Variants in EXT1 observed in about 807,000 individuals in gnomAD.
The protein encoded by EXT1 is exostosin-1.
In EXT1, 20 loss-of-function variants were observed where a neutral mutation model predicts 82.5. That is an observed-to-expected ratio of 0.24 (90% CI 0.17 to 0.35). The LOEUF (loss-of-function observed/expected upper bound fraction) is 0.35. Ranked by LOEUF, EXT1 falls within the 10% of genes least tolerant of loss-of-function variation. The pLI is 1.00. For synonymous variants in EXT1, 348 were observed against 350.8 expected (o/e 0.99, Z 0.09); for missense variants, 757 against 936.5 (o/e 0.81, Z 2.50).
chr8:117,904,001 T>C (rs554598437), intron 1 of EXT1, among the ~76,000 whole-genome samples: 1 of 152,360 alleles, frequency 6.6e-6, no homozygotes, highest in South Asian at 2.1e-4. Context: ...GTAACTGACC[T>C]GAAGTTCTTA....
intron 1 of EXT1, among the ~76,000 whole-genome samples, chr8:117,943,288 C>G (rs1814323194): frequency 6.6e-6 from 1 of 152,080 alleles, no homozygotes; most frequent in African/African-American, 2.4e-5. Flanking sequence ...ATTGGGAGGT[C>G]TTTTGTGGAA....
intron 1 of EXT1, among the ~76,000 whole-genome samples, chr8:118,083,509 T>G (rs889471082): frequency 6.6e-6 from 1 of 152,020 alleles, no homozygotes; most frequent in African/African-American, 2.4e-5. Flanking sequence ...ATTCAAGAAC[T>G]AAACCCAGTA....
At chr8:118,097,465 G>A (rs1242855942) in intron 1 of EXT1, among the ~76,000 whole-genome samples, 1 of 151,986 alleles carries the variant, frequency 6.6e-6, no homozygotes, top group Non-Finnish European at 1.5e-5. Flanking sequence ...AAAAATAAAT[G>A]AATAAAAATA....
At chr8:117,809,747 G>A (rs1226819463) in intron 8 of EXT1, among the ~76,000 whole-genome samples, 5 of 152,106 alleles carry the variant, frequency 3.3e-5, no homozygotes, top group African/African-American at 9.7e-5. Context: ...AGGGGATGGT[G>A]AGCATCTGCT....
chr8:117,824,261 T>C (rs1239703596), intron 4 of EXT1, among the ~76,000 whole-genome samples: 1 of 152,210 alleles, frequency 6.6e-6, no homozygotes, highest in Non-Finnish European at 1.5e-5. Flanking sequence ...ACAAAATGGG[T>C]CATCATTCCC....
intron 8 of EXT1, among the ~76,000 whole-genome samples, chr8:117,807,866 TA>T (rs140138400): frequency 6.8e-5 from 10 of 147,908 alleles, no homozygotes; most frequent in Middle Eastern, 6.9e-3. Flanking sequence ...GAAATAACTT[TA>T]AAAAAAAAAC....
chr8:117,877,077 C>T (rs932867836), intron 1 of EXT1, among the ~76,000 whole-genome samples: 18 of 152,132 alleles, frequency 1.2e-4, no homozygotes, highest in African/African-American at 3.9e-4. Flanking sequence ...TTAAACCAGC[C>T]CTAATGACTG....
chr8:117,822,921 A>G (rs1345119024), intron 4 of EXT1, among the ~76,000 whole-genome samples: 1 of 152,132 alleles, frequency 6.6e-6, no homozygotes, highest in Non-Finnish European at 1.5e-5. Flanking sequence ...TCTTTCCCTG[A>G]TGGTTAAACT....
chr8:117,809,242 T>TATA lies in EXT1; in HGVS notation c.1723-1866_1723-1865insTAT, dbSNP rs796605483. 2.9e-3 allele frequency among the ~76,000 whole-genome samples: 411 copies of TATA among 141,218 alleles called. 8 individuals are homozygous for TATA. The highest frequency in any genetic ancestry group is 0.011 in the Middle Eastern group (3 of 274). The allele number at this position is 141,218 out of a possible 152,430, so 92.6% of individuals were successfully genotyped here. A position where few individuals can be genotyped will look rare whatever the true frequency, so the allele number is the denominator to read the frequency against. On this transcript the variant is annotated intron_variant, in intron 8 of 10. Coordinates refer to ENST00000378204, the MANE Select transcript of EXT1 (RefSeq NM_000127.3). The stretch of plus-strand genomic sequence containing the variant: ...AAATATATATATATATATATATATA[T>TATA]ATTATGTTCTATTGATTCTGTTTGC...
chr8:117,949,351 T>C (rs1291537666), intron 1 of EXT1, among the ~76,000 whole-genome samples: 1 of 152,012 alleles, frequency 6.6e-6, no homozygotes, highest in Admixed American at 6.6e-5. Context: ...GCCTACATAC[T>C]TATGGCTTTA....
rs567244992 is a variant in EXT1, at chr8:117,991,760, C to T, written c.962+118325G>A. On this transcript the variant is annotated intron_variant, in intron 1 of 10. Transcript: ENST00000378204. The stretch of plus-strand genomic sequence containing the variant: ...TATTTTTAGTGGACACAGCGTTTCA[C>T]CATGTTGGCCAGGCTGGTCTTGAAC... Among the ~76,000 whole-genome samples the T allele has an allele frequency of 2.0e-4, 30 of 152,162 alleles. No individual in the cohort carries two copies. In the East Asian group the frequency reaches 4.8e-3, roughly 25 times the overall value.
chr8:117,805,740 G>A (rs1236989962), intron 9 of EXT1, among the ~76,000 whole-genome samples: 1 of 152,166 alleles, frequency 6.6e-6, no homozygotes, highest in Non-Finnish European at 1.5e-5. Flanking sequence ...GGCAAGATTG[G>A]TGTGTTCACT....
At chr8:117,840,491 A>G (rs1812256836) in intron 1 of EXT1, among the ~76,000 whole-genome samples, 2 of 152,096 alleles carry the variant, frequency 1.3e-5, no homozygotes, top group African/African-American at 2.4e-5. Flanking sequence ...ACATGCCTGT[A>G]ATCTCAGCTA....
intron 1 of EXT1, among the ~76,000 whole-genome samples, chr8:117,905,761 G>A (rs1322448299): frequency 6.6e-6 from 1 of 152,208 alleles, no homozygotes; most frequent in African/African-American, 2.4e-5. Context: ...GCAGTGAGCC[G>A]AGATCGCGCC....
intron 1 of EXT1, among the ~76,000 whole-genome samples, chr8:118,100,009 C>T (rs1817689579): frequency 6.6e-6 from 1 of 152,136 alleles, no homozygotes; most frequent in African/African-American, 2.4e-5. Context: ...ACAGGGCAGT[C>T]GTTTCACTGA....
chr8:117,989,613 G>A lies in EXT1; in HGVS notation c.962+120472C>T, dbSNP rs190120914. On this transcript the variant is annotated intron_variant, in intron 1 of 10. Coordinates refer to ENST00000378204, the MANE Select transcript of EXT1 (RefSeq NM_000127.3). ...CCCTGTTGAGCAATCCTTTGCAAAC[G>A]GCCAAGTCATACTGGTATCTTAGGA... 7.2e-5 allele frequency among the ~76,000 whole-genome samples: 11 copies of A among 152,218 alleles called. No individual in the cohort carries two copies. The East Asian group carries it at 1.9e-3, about 27-fold the overall frequency.
At chr8:118,078,919 GTGCAAAAAAAGTGC>G (rs1817260274) in intron 1 of EXT1, among the ~76,000 whole-genome samples, 3 of 152,166 alleles carry the variant, frequency 2.0e-5, no homozygotes, top group Admixed American at 6.5e-5. Flanking sequence ...AACCTACCAT[GTGCAAAAAAAGTGC>G]TGCAAAAACA....
chr8:117,800,320 AC>A (rs758987946), intron 10 of EXT1, among the ~76,000 whole-genome samples: 12 of 152,318 alleles, frequency 7.9e-5, no homozygotes, highest in East Asian at 3.9e-4. Context: ...ATTTAGAAAT[AC>A]CCACCAACTT....
intron 1 of EXT1, among the ~76,000 whole-genome samples, chr8:117,866,002 A>T (rs895737863): frequency 2.0e-5 from 3 of 152,180 alleles, no homozygotes; most frequent in Non-Finnish European, 4.4e-5. Context: ...AGGTGAGTAG[A>T]TCACTTCAGG....
Sources: gnomAD v4.1 joint callset for allele counts (sites outside exome capture counted in the v4.1 genomes callset) on GRCh38, gnomAD v4.1.1 for gene constraint, MANE v1.5 for transcripts, NCBI Gene and HGNC (gene_info 2026-07-23, HGNC 2026-07-21) for gene names.